The following DAB1 variants were observed in gnomAD, a reference collection of about 807,000 sequenced individuals.
DAB1 encodes the protein DAB adaptor protein 1.
In DAB1, 15 loss-of-function variants were observed where a neutral mutation model predicts 64.6. The observed-to-expected ratio is 0.23, with a 90% CI of 0.16 to 0.36. DAB1 has a LOEUF of 0.36. Ranked by LOEUF, DAB1 falls within the 10% of genes least tolerant of loss-of-function variation. The probability of loss-of-function intolerance (pLI) is 1.00; values close to 1 mark genes in which losing one functional copy is unlikely to be tolerated. For missense variants in DAB1, 596 were observed against 706.7 expected (o/e 0.84, Z 1.78); for synonymous variants, 235 against 251.9 (o/e 0.93, Z 0.64).
intron 4 of DAB1, among the ~76,000 whole-genome samples, chr1:58,270,357 GCT>G (rs1661285564): frequency 6.9e-6 from 1 of 144,790 alleles, no homozygotes; most frequent in African/African-American, 2.6e-5. Flanking sequence ...ATTTCTGAGG[GCT>G]CTGTTCTGTT....
chr1:57,059,835 C>T (rs1459279842), intron 9 of DAB1, among the ~76,000 whole-genome samples: 1 of 152,126 alleles, frequency 6.6e-6, no homozygotes, highest in African/African-American at 2.4e-5. Context: ...ACTGCAGCCA[C>T]CTGTCTCTAT....
At chr1:57,926,230 T>C (rs1644877515) in intron 5 of DAB1, among the ~76,000 whole-genome samples, 1 of 151,914 alleles carries the variant, frequency 6.6e-6, no homozygotes, top group African/African-American at 2.4e-5. Flanking sequence ...TGGTCCATTG[T>C]GAGGATGGAT....
chr1:57,736,136 T>C (rs1647681938), intron 6 of DAB1, among the ~76,000 whole-genome samples: 1 of 152,166 alleles, frequency 6.6e-6, no homozygotes, highest in East Asian at 1.9e-4. Flanking sequence ...CTTGTAAAAA[T>C]GGTTCTTGGG....
chr1:57,745,244 C>T (rs1648209710), intron 6 of DAB1, among the ~76,000 whole-genome samples: 2 of 152,018 alleles, frequency 1.3e-5, no homozygotes, highest in African/African-American at 2.4e-5. Context: ...CTCTACTTCC[C>T]GGGAAGTTGT....
chr1:58,042,432 A>G (rs573744528), intron 5 of DAB1, among the ~76,000 whole-genome samples: 5 of 152,236 alleles, frequency 3.3e-5, no homozygotes, highest in Non-Finnish European at 7.3e-5. Flanking sequence ...AATAAAAGTA[A>G]CAACAACAAA....
At chr1:58,519,793 T>C (rs72672230) in intron 2 of DAB1, among the ~76,000 whole-genome samples, 8,608 of 151,738 alleles carry the variant, frequency 0.057, 309 homozygotes, top group Middle Eastern at 0.12. Flanking sequence ...CAAAGAAACA[T>C]ATGACAAAAT....
intron 5 of DAB1, among the ~76,000 whole-genome samples, chr1:57,922,925 T>G (rs1644830629): frequency 6.6e-6 from 1 of 151,242 alleles, no homozygotes; most frequent in African/African-American, 2.4e-5. Context: ...TCTTTTTGAC[T>G]ACAGCTCTTT....
chr1:57,513,360 C>T (rs1307117177), intron 7 of DAB1, among the ~76,000 whole-genome samples: 1 of 152,058 alleles, frequency 6.6e-6, no homozygotes, highest in Non-Finnish European at 1.5e-5. Flanking sequence ...TAATGAGGTC[C>T]CTCCCAACCT....
At chr1:57,115,182 T>C (rs1656001642) in intron 4 of DAB1, among the ~76,000 whole-genome samples, 1 of 152,170 alleles carries the variant, frequency 6.6e-6, no homozygotes, top group South Asian at 2.1e-4. Context: ...TGTAGCATTG[T>C]GGCTAAGAGG....
chr1:57,530,714 T>G (rs1432670679), intron 7 of DAB1, among the ~76,000 whole-genome samples: 1 of 152,186 alleles, frequency 6.6e-6, no homozygotes, highest in African/African-American at 2.4e-5. Flanking sequence ...ATGAATGACT[T>G]TCTTGGCAAA....
intron 5 of DAB1, among the ~76,000 whole-genome samples, chr1:58,052,133 G>C (rs1244304574): frequency 6.6e-6 from 1 of 152,190 alleles, no homozygotes; most frequent in East Asian, 1.9e-4. Context: ...CCTATGTCCT[G>C]AATGGTATTG....
intron 5 of DAB1, among the ~76,000 whole-genome samples, chr1:58,112,992 T>C (rs1165621858): frequency 1.3e-5 from 2 of 152,170 alleles, no homozygotes; most frequent in Non-Finnish European, 2.9e-5. Context: ...TCTTGTTAAG[T>C]GGCACTCACC....
chr1:57,406,777 T>C (rs1570464567), intron 1 of DAB1, among the ~76,000 whole-genome samples: 2 of 152,316 alleles, frequency 1.3e-5, no homozygotes, highest in Admixed American at 1.3e-4. Flanking sequence ...ATCCGAATCC[T>C]GTGGGCTGTG....
chr1:57,286,809 C>A (rs1286737634), intron 2 of DAB1, among the ~76,000 whole-genome samples: 1 of 152,058 alleles, frequency 6.6e-6, no homozygotes, highest in Non-Finnish European at 1.5e-5. Flanking sequence ...AATATAGATA[C>A]AAAAACCATT....
chr1:58,216,449 T>A (rs1204337171), intron 4 of DAB1, among the ~76,000 whole-genome samples: 1 of 152,214 alleles, frequency 6.6e-6, no homozygotes, highest in African/African-American at 2.4e-5. Flanking sequence ...TTTGGGTTGG[T>A]TCCTAGTCTT....
intron 2 of DAB1, among the ~76,000 whole-genome samples, chr1:57,182,030 T>C (rs1181821514): frequency 6.6e-6 from 1 of 152,004 alleles, no homozygotes; most frequent in Non-Finnish European, 1.5e-5. Context: ...GGACTACAGG[T>C]GCATGCCACC....
intron 4 of DAB1, among the ~76,000 whole-genome samples, chr1:58,188,630 T>C (rs113475846): frequency 2.0e-4 from 30 of 152,320 alleles, no homozygotes; most frequent in African/African-American, 7.2e-4. Flanking sequence ...TGTCCAAAGA[T>C]AAAAGAGCCT....
intron 4 of DAB1, among the ~76,000 whole-genome samples, chr1:57,097,763 ATTATTTATTTAT>A (rs146708228): frequency 6.0e-5 from 9 of 149,410 alleles, no homozygotes; most frequent in Middle Eastern, 3.4e-3. Context: ...TATTTTTATT[ATTATTTATTTAT>A]TTATTTATTT....
intron 5 of DAB1, among the ~76,000 whole-genome samples, chr1:57,992,607 C>T (rs567929884): frequency 2.0e-5 from 3 of 152,114 alleles, no homozygotes; most frequent in Non-Finnish European, 2.9e-5. Context: ...GGACACTCAG[C>T]GTTTTCAGAG....
Sources: allele counts gnomAD v4.1 joint callset (sites outside exome capture counted in the v4.1 genomes callset), GRCh38; gene constraint gnomAD v4.1.1; transcripts MANE v1.5; gene names NCBI Gene and HGNC (gene_info 2026-07-23, HGNC 2026-07-21).